FOXP2: variants seen among roughly 807,000 people sequenced by gnomAD.
The protein encoded by FOXP2 is forkhead box P2.
Under a neutral mutation model 115.8 loss-of-function variants are expected in FOXP2, and 12 were observed. The observed-to-expected ratio is 0.10, with a 90% CI of 0.07 to 0.17. The LOEUF (loss-of-function observed/expected upper bound fraction) is 0.17, where lower values mean the gene tolerates loss of function less well. Among genes scored for constraint, FOXP2 ranks in the 10% least tolerant of loss-of-function variants. FOXP2 has a pLI of 1.00. For missense variants in FOXP2, 629 were observed against 843.5 expected, an observed-to-expected ratio of 0.75 and a Z score of 3.15; for synonymous variants, 328 against 297.7, an observed-to-expected ratio of 1.10 and a Z score of -1.05.
At chr7:114,132,582 T>TGTGAGAGAGAGAGAGAGAGAGA (rs1554419465) in intron 1 of FOXP2, among the ~76,000 whole-genome samples, 1 of 55,996 alleles carries the variant, frequency 1.8e-5, no homozygotes, top group African/African-American at 7.9e-5. Flanking sequence ...TGTGTGTGTG[T>TGTGAGAGAGAGAGAGAGAGAGA]GAGAGAGAGA....
chr7:114,198,399 G>A (rs1793968686), intron 1 of FOXP2, among the ~76,000 whole-genome samples: 1 of 152,084 alleles, frequency 6.6e-6, no homozygotes, highest in African/African-American at 2.4e-5. Flanking sequence ...CATTTTCCTG[G>A]AAAACAGTTT....
intron 3 of FOXP2, among the ~76,000 whole-genome samples, chr7:114,562,036 T>G (rs1584897758): frequency 6.6e-6 from 1 of 152,210 alleles, no homozygotes; most frequent in African/African-American, 2.4e-5. Flanking sequence ...TGCACCATAC[T>G]CTCTTGTTAT....
chr7:114,565,795 T>A (rs887076339), intron 3 of FOXP2, among the ~76,000 whole-genome samples: 2 of 152,026 alleles, frequency 1.3e-5, no homozygotes, highest in African/African-American at 4.8e-5. Flanking sequence ...AGAATGAAAA[T>A]TTTTTAGGCA....
intron 2 of FOXP2, among the ~76,000 whole-genome samples, chr7:114,344,762 C>T (rs947516530): frequency 6.6e-6 from 1 of 151,798 alleles, no homozygotes; most frequent in Non-Finnish European, 1.5e-5. Flanking sequence ...AAACTGTTTA[C>T]ATTAGGGCTT....
intron 1 of FOXP2, among the ~76,000 whole-genome samples, chr7:114,124,867 T>C (rs76746793): frequency 1.5e-3 from 221 of 152,212 alleles, no homozygotes; most frequent in African/African-American, 5.2e-3. Context: ...GTAAGACACC[T>C]GTGATAATTG....
chr7:114,620,139 T>C (rs140640320), intron 3 of FOXP2, among the ~76,000 whole-genome samples: 45 of 152,100 alleles, frequency 3.0e-4, no homozygotes, highest in African/African-American at 8.2e-4. Context: ...CAAGCTGTAA[T>C]ATCTAGAGGA....
At chr7:114,372,086 A>G (rs1792022130) in intron 2 of FOXP2, among the ~76,000 whole-genome samples, 1 of 152,198 alleles carries the variant, frequency 6.6e-6, no homozygotes, top group Admixed American at 6.5e-5. Flanking sequence ...TAGATGAACT[A>G]TGAGAAACAA....
At chr7:114,253,310 A>C (rs1241939203) in intron 1 of FOXP2, among the ~76,000 whole-genome samples, 10 of 151,972 alleles carry the variant, frequency 6.6e-5, no homozygotes, top group Non-Finnish European at 1.2e-4. Context: ...TATTAGGTCC[A>C]CTTGGTGCAG....
chr7:114,109,598 T>A (rs1791213435), intron 1 of FOXP2, among the ~76,000 whole-genome samples: 1 of 152,134 alleles, frequency 6.6e-6, no homozygotes, highest in South Asian at 2.1e-4. Flanking sequence ...TTAGTCACTG[T>A]AGAATTTGAA....
At chr7:114,537,299 A>G (rs1466724228) in intron 3 of FOXP2, among the ~76,000 whole-genome samples, 1 of 151,614 alleles carries the variant, frequency 6.6e-6, no homozygotes, top group Admixed American at 6.6e-5. Context: ...TGTAGGTGCA[A>G]GGCAAGATAT....
intron 1 of FOXP2, among the ~76,000 whole-genome samples, chr7:114,098,363 A>G (rs1799698507): frequency 6.6e-6 from 1 of 152,220 alleles, no homozygotes; most frequent in African/African-American, 2.4e-5. Flanking sequence ...ACAGTATAGT[A>G]CTGGCCTAAA....
rs1792318361 is a variant in FOXP2, at chr7:114,382,054, CAA to C, written c.-10-44447_-10-44446del. Among the ~76,000 whole-genome samples the C allele has an allele frequency of 2.0e-5, 3 of 152,256 alleles. No homozygotes were observed. The South Asian group carries it at 6.2e-4, about 32-fold the overall frequency. The stretch of plus-strand genomic sequence containing the variant: ...CTTTTGCTAGAATGTCTCTCCCTAA[CAA>C]GAGAGTGGGGCTTTCAGGCATAATT... On this transcript the variant is annotated intron_variant, in intron 2 of 17. Transcript: ENST00000634411.
At position 114,609,039 on chromosome 7, in the gene FOXP2, A is replaced by C. The variant is rs547607701; in HGVS notation, c.259-19501A>C. ...CATGACGAAACCCCGTCTCTACTAA[A>C]AAAACAAAACAAAACAAAACAAAAT... On this transcript the variant is annotated intron_variant, in intron 3 of 16. Coordinates refer to ENST00000350908, the MANE Select transcript of FOXP2 (RefSeq NM_014491.4). Among the ~76,000 whole-genome samples the C allele has an allele frequency of 2.1e-3, 324 of 152,066 alleles. 1 individual carries two copies. The highest frequency in any genetic ancestry group is 3.6e-3 in the Non-Finnish European group (244 of 67,972).
chr7:114,593,231 T>A (rs1161159225), intron 3 of FOXP2, among the ~76,000 whole-genome samples: 1 of 150,000 alleles, frequency 6.7e-6, no homozygotes, highest in Non-Finnish European at 1.5e-5. Flanking sequence ...AAAGTATAGA[T>A]AAGCAAAAAG....
chr7:114,639,263 G>C (rs1031104544), intron 6 of FOXP2, among the ~76,000 whole-genome samples: 4 of 152,100 alleles, frequency 2.6e-5, no homozygotes, highest in Non-Finnish European at 4.4e-5. Context: ...TATTCATATA[G>C]AGTATGCCCT....
At chr7:114,250,043 G>A (rs1562836014) in intron 1 of FOXP2, among the ~76,000 whole-genome samples, 1 of 148,978 alleles carries the variant, frequency 6.7e-6, no homozygotes, top group African/African-American at 2.5e-5. Context: ...GTGAGAACAT[G>A]CAGTGTTTGG....
chr7:114,644,984 A>G (rs193184279), intron 8 of FOXP2, 195 bp downstream of exon 8: 42 of 510,904 alleles, frequency 8.2e-5, no homozygotes, highest in African/African-American at 7.9e-4. Context: ...TTTACAAATC[A>G]TTTAGTAAAG....
In FOXP2 at chr7:114,283,259, T is replaced by C. The variant is rs546451833; in HGVS notation, c.-101-4760T>C. ...TCTCACCATTATTCAGGAAACCATG[T>C]GCTATACAATATTAAAACAGTATTT... On this transcript the variant is annotated intron_variant, in intron 1 of 17. Coordinates refer to the FOXP2 transcript ENST00000634411. Among the ~76,000 whole-genome samples, 4 of 152,324 alleles carry C rather than the reference T, an allele frequency of 2.6e-5. No homozygotes were observed. In the South Asian group the frequency reaches 8.3e-4, roughly 32 times the overall value.
At chr7:114,438,446 A>G (rs1794449665) in intron 2 of FOXP2, among the ~76,000 whole-genome samples, 1 of 152,082 alleles carries the variant, frequency 6.6e-6, no homozygotes. Context: ...TGCTTAATTC[A>G]CAGAAGAAAA....
Sources: gnomAD v4.1 joint callset for allele counts (sites outside exome capture counted in the v4.1 genomes callset) on GRCh38, gnomAD v4.1.1 for gene constraint, MANE v1.5 for transcripts, NCBI Gene and HGNC (gene_info 2026-07-23, HGNC 2026-07-21) for gene names.